The following TPRG1 variants were observed in gnomAD, a reference collection of about 807,000 sequenced individuals.
The protein encoded by TPRG1 is tumor protein p63-regulated gene 1 protein.
Under a neutral mutation model 29.3 loss-of-function variants are expected in TPRG1, and 29 were observed. That is an observed-to-expected ratio of 0.99 (90% confidence interval 0.74 to 1.35). The LOEUF is 1.35. TPRG1 is among the 40% of genes most tolerant of loss of function. The pLI, the probability that TPRG1 is intolerant of heterozygous loss-of-function variation, is 0.00. For synonymous variants in TPRG1, 130 were observed against 116.8 expected, an observed-to-expected ratio of 1.11 and a Z score of -0.73; for missense variants, 327 against 335.0, an observed-to-expected ratio of 0.98 and a Z score of 0.19.
intron 4 of TPRG1, among the ~76,000 whole-genome samples, chr3:189,280,655 A>T (rs1006225196): frequency 6.6e-6 from 1 of 152,162 alleles, no homozygotes; most frequent in Admixed American, 6.5e-5. Context: ...GATTGCCATA[A>T]CAGAAAGAAC....
intron 4 of TPRG1, among the ~76,000 whole-genome samples, chr3:189,250,507 C>CCACCCG (rs1229936619): frequency 1.3e-5 from 1 of 77,250 alleles, no homozygotes; most frequent in Non-Finnish European, 2.4e-5. Flanking sequence ...GATTTCCGCC[C>CCACCCG]CCCCCCCCCC....
At chr3:189,248,084 T>A (rs1741621495) in intron 4 of TPRG1, among the ~76,000 whole-genome samples, 1 of 151,922 alleles carries the variant, frequency 6.6e-6, no homozygotes, top group African/African-American at 2.4e-5. Flanking sequence ...GCTTTATTTG[T>A]TACTTAGAAG....
intron 3 of TPRG1, among the ~76,000 whole-genome samples, chr3:189,144,645 T>C (rs144317892): frequency 6.6e-6 from 1 of 152,242 alleles, no homozygotes; most frequent in Non-Finnish European, 1.5e-5. Flanking sequence ...ATGAGTTTCC[T>C]ACTGGTTTTT....
chr3:189,311,733 A>G (rs1344318268), intron 5 of TPRG1, among the ~76,000 whole-genome samples: 2 of 152,242 alleles, frequency 1.3e-5, no homozygotes, highest in African/African-American at 2.4e-5. Context: ...AGCTTGGTAT[A>G]TGGATCATGT....
chr3:189,300,513 C>T (rs933885602), intron 4 of TPRG1, among the ~76,000 whole-genome samples: 4 of 152,256 alleles, frequency 2.6e-5, no homozygotes, highest in Admixed American at 2.0e-4. Flanking sequence ...CTTTTTCAAT[C>T]CTGTTATATG....
chr3:189,218,081 A>G (rs1736343112), intron 3 of TPRG1: 2 of 962,160 alleles, frequency 2.1e-6, no homozygotes, highest in Admixed American at 1.2e-4. Context: ...TGTAATATGG[A>G]CCAACTACCC....
chr3:189,145,886 G>A (rs573447125), intron 3 of TPRG1, among the ~76,000 whole-genome samples: 3 of 152,274 alleles, frequency 2.0e-5, no homozygotes, highest in East Asian at 3.9e-4. Flanking sequence ...AATTATCTGT[G>A]TGTGCTTGAG....
intron 4 of TPRG1, among the ~76,000 whole-genome samples, chr3:189,306,707 A>C (rs1406529191): frequency 6.6e-6 from 1 of 152,212 alleles, no homozygotes; most frequent in African/African-American, 2.4e-5. Flanking sequence ...AAAATATAAG[A>C]TCTCTAACAG....
intron 5 of TPRG1, among the ~76,000 whole-genome samples, chr3:189,154,160 G>A (rs1349482855): frequency 1.3e-5 from 2 of 152,096 alleles, no homozygotes; most frequent in African/African-American, 2.4e-5. Flanking sequence ...CACATCATGC[G>A]ATATTCTTCA....
chr3:189,244,966 G>A (rs1741160895), intron 4 of TPRG1, among the ~76,000 whole-genome samples: 1 of 152,124 alleles, frequency 6.6e-6, no homozygotes, highest in African/African-American at 2.4e-5. Context: ...TGTTGCCCAA[G>A]CTGGAGTGCA....
intron 1 of TPRG1, among the ~76,000 whole-genome samples, chr3:189,189,082 G>GT (rs796254307): frequency 2.6e-5 from 4 of 152,000 alleles, no homozygotes; most frequent in Non-Finnish European, 4.4e-5. Flanking sequence ...AACAAATGCT[G>GT]TTTTTTTCTT....
chr3:189,094,694 T>C (rs574523473), intron 4 of TPRG1, among the ~76,000 whole-genome samples: 1 of 152,208 alleles, frequency 6.6e-6, no homozygotes, highest in Admixed American at 6.5e-5. Flanking sequence ...CTGCCACTTG[T>C]ATATTGGCAG....
intron 3 of TPRG1, among the ~76,000 whole-genome samples, chr3:189,018,149 G>A (rs1225193219): frequency 6.6e-6 from 1 of 151,730 alleles, no homozygotes; most frequent in African/African-American, 2.4e-5. Context: ...CAGATGAGTA[G>A]GTTGCGAAAA....
intron 2 of TPRG1, among the ~76,000 whole-genome samples, chr3:189,002,855 T>C (rs1712096825): frequency 6.6e-6 from 1 of 152,152 alleles, no homozygotes; most frequent in Admixed American, 6.5e-5. Flanking sequence ...CTGCTCAGTA[T>C]ATTGACCTGT....
At chr3:189,037,595 G>A (rs866528437) in intron 4 of TPRG1, among the ~76,000 whole-genome samples, 1 of 151,670 alleles carries the variant, frequency 6.6e-6, no homozygotes, top group Non-Finnish European at 1.5e-5. Flanking sequence ...GCCACTACTA[G>A]TTAACCTAGT....
chr3:189,219,518 G>GAAA (rs5855244), intron 3 of TPRG1: 1,195 of 955,812 alleles, frequency 1.3e-3, no homozygotes, highest in South Asian at 2.7e-3. Flanking sequence ...TGGCCCTTCT[G>GAAA]AAAAAAAAAA....
At chr3:189,222,616 A>G (rs990341150) in intron 3 of TPRG1, among the ~76,000 whole-genome samples, 1 of 152,136 alleles carries the variant, frequency 6.6e-6, no homozygotes, top group Non-Finnish European at 1.5e-5. Flanking sequence ...CAGGATCCCC[A>G]GTTGATTCCT....
chr3:189,184,310 T>C (rs1730629208), intron 1 of TPRG1, among the ~76,000 whole-genome samples: 1 of 152,232 alleles, frequency 6.6e-6, no homozygotes, highest in Non-Finnish European at 1.5e-5. Context: ...ACCATGTGCA[T>C]AGCACATGCA....
rs1305753440 is a variant in TPRG1 at position 189,238,769 on chromosome 3, A to G, written c.339A>G (p.Leu113=). ...DHWNNEKERI[L]LVTDKTLLIC... ...GGAACAATGAGAAGGAGAGAATTCT[A>G]CTGGTCACAGACAAGACTCTCTTGA... is the stretch of plus-strand genomic sequence containing the variant. The change falls in exon 4 of 6, where the codon CTA becomes CTG. Residue 113 remains leucine, a synonymous_variant. Transcript: ENST00000345063. 5.0e-6 allele frequency: 8 copies of G among 1,613,310 alleles called. No individual in the cohort carries two copies. Among genetic ancestry groups the G allele is most frequent in the Non-Finnish European group, 6.8e-6 (8 of 1,179,438 alleles).
Sources: gnomAD v4.1 joint callset for allele counts (sites outside exome capture counted in the v4.1 genomes callset) on GRCh38, gnomAD v4.1.1 for gene constraint, MANE v1.5 for transcripts, NCBI Gene and HGNC (gene_info 2026-07-23, HGNC 2026-07-21) for gene names.